The following OR9Q1 variants were observed in gnomAD, a reference collection of about 807,000 sequenced individuals.
OR9Q1 encodes olfactory receptor 9Q1.
For missense variants in OR9Q1, 374 were observed against 378.8 expected, an observed-to-expected ratio of 0.99 and a Z score of 0.11; for synonymous variants, 153 against 148.6, an observed-to-expected ratio of 1.03 and a Z score of -0.22.
intron 2 of OR9Q1, among the ~76,000 whole-genome samples, chr11:58,094,989 C>T (rs781566768): frequency 1.6e-4 from 25 of 152,142 alleles, no homozygotes; most frequent in African/African-American, 1.4e-4. Flanking sequence ...AATACATGTT[C>T]GTCAATTTTG....
chr11:58,052,780 T>C (rs1408634322), intron 1 of OR9Q1, among the ~76,000 whole-genome samples: 2 of 150,202 alleles, frequency 1.3e-5, no homozygotes, highest in Non-Finnish European at 3.0e-5. Flanking sequence ...CATCAAATAG[T>C]GGGCGAAGGA....
chr11:58,060,264 G>C (rs1482346259), intron 2 of OR9Q1: 1 of 152,180 alleles, frequency 6.6e-6, no homozygotes, highest in African/African-American at 2.4e-5. Context: ...AAAGAGGGGA[G>C]AATTGAGCTC....
At chr11:58,054,459 A>T (rs1853307162) in intron 1 of OR9Q1, among the ~76,000 whole-genome samples, 1 of 152,130 alleles carries the variant, frequency 6.6e-6, no homozygotes. Flanking sequence ...TTTTACCAAT[A>T]CCAATACCAA....
chr11:58,134,317 T>A (rs1010284792), intron 2 of OR9Q1, among the ~76,000 whole-genome samples: 1 of 152,172 alleles, frequency 6.6e-6, no homozygotes, highest in African/African-American at 2.4e-5. Context: ...AGGAGGAGCA[T>A]CCCAGATGGC....
intron 2 of OR9Q1, among the ~76,000 whole-genome samples, chr11:58,092,892 T>TAAAAGCTTAAA (rs1853697451): frequency 6.6e-6 from 1 of 152,198 alleles, no homozygotes; most frequent in African/African-American, 2.4e-5. Context: ...AGTCATATTT[T>TAAAAGCTTAAA]AAAAGCTTAA....
At chr11:58,140,897 T>C (rs1246551107) in intron 2 of OR9Q1, among the ~76,000 whole-genome samples, 4 of 152,358 alleles carry the variant, frequency 2.6e-5, no homozygotes, top group Admixed American at 2.6e-4. Flanking sequence ...ATTTTCACGA[T>C]ACTGATTCTT....
At chr11:58,053,975 G>A (rs978529056) in intron 1 of OR9Q1, among the ~76,000 whole-genome samples, 2 of 152,090 alleles carry the variant, frequency 1.3e-5, no homozygotes, top group African/African-American at 4.8e-5. Context: ...GATTTTGAGT[G>A]TCCTTATTTC....
intron 2 of OR9Q1, among the ~76,000 whole-genome samples, chr11:58,084,038 T>A (rs1853612946): frequency 2.0e-5 from 3 of 151,948 alleles, no homozygotes; most frequent in African/African-American, 4.9e-5. Context: ...GATCTGTAGA[T>A]CGCTTTGGGC....
chr11:58,053,660 A>C (rs900837704), intron 1 of OR9Q1, among the ~76,000 whole-genome samples: 5 of 117,626 alleles, frequency 4.3e-5, no homozygotes, highest in African/African-American at 1.6e-4. Flanking sequence ...TATATATATA[A>C]AATATATATA....
intron 2 of OR9Q1, chr11:58,109,499 G>T (rs776283528): frequency 7.6e-5 from 35 of 462,066 alleles, no homozygotes; most frequent in Non-Finnish European, 1.3e-5. Context: ...GGGGTGTGGA[G>T]TTGGGCATCC....
At chr11:58,119,364 G>C (rs1464174876) in intron 2 of OR9Q1, 1 of 1,613,810 alleles carries the variant, frequency 6.2e-7, no homozygotes, top group Non-Finnish European at 8.5e-7. Flanking sequence ...ACACCAGAAA[G>C]AGGGGAATCT....
chr11:58,170,622 G>C (rs1854545446), intron 2 of OR9Q1, among the ~76,000 whole-genome samples: 1 of 152,250 alleles, frequency 6.6e-6, no homozygotes, highest in Non-Finnish European at 1.5e-5. Flanking sequence ...ACCCAGTGGA[G>C]ATAATGAGTC....
intron 2 of OR9Q1, among the ~76,000 whole-genome samples, chr11:58,122,600 T>C (rs2120143377): frequency 6.6e-6 from 1 of 152,328 alleles, no homozygotes; most frequent in Admixed American, 6.5e-5. Context: ...TATAGTTACT[T>C]AAACATAATA....
Position 58,179,764 on chromosome 11 carries a change from T to G in OR9Q1, c.320T>G (p.Phe107Cys), listed in dbSNP as rs369493933. 2.0e-5 allele frequency: 33 copies of G among 1,614,218 alleles called. No homozygotes were observed. The African/African-American group carries it at 4.3e-4, about 21-fold the overall frequency. Residue 107 changes from phenylalanine to cysteine, a missense_variant, in exon 3 of 3, where the codon TTT becomes TGT. Phe to Cys is a radical substitution (Grantham distance 205). Coordinates refer to ENST00000335397, the MANE Select transcript of OR9Q1 (RefSeq NM_001005212.4). ...CAAQFFLFTF[F>C]GSIDCYLLAL... The stretch of plus-strand genomic sequence containing the variant: ...GCTCAGTTCTTTCTGTTCACCTTCT[T>G]TGGTTCCATCGACTGCTACCTCTTG...
intron 2 of OR9Q1, among the ~76,000 whole-genome samples, chr11:58,133,911 G>C (rs974938987): frequency 9.1e-5 from 11 of 120,862 alleles, no homozygotes; most frequent in African/African-American, 3.7e-4. Context: ...TGGTCAGAAG[G>C]GGTCACTGCT....
intron 2 of OR9Q1, among the ~76,000 whole-genome samples, chr11:58,143,697 T>C (rs922395434): frequency 1.3e-5 from 2 of 151,968 alleles, no homozygotes; most frequent in African/African-American, 4.8e-5. Context: ...CTGGGGCCTG[T>C]TGGGGAAGGG....
intron 2 of OR9Q1, among the ~76,000 whole-genome samples, chr11:58,176,079 C>G (rs1407327562): frequency 6.6e-6 from 1 of 152,184 alleles, no homozygotes; most frequent in Non-Finnish European, 1.5e-5. Flanking sequence ...CATGATGTGT[C>G]TTGCTGAGGT....
intron 2 of OR9Q1, among the ~76,000 whole-genome samples, chr11:58,081,038 T>C (rs1853582612): frequency 1.3e-5 from 2 of 151,870 alleles, no homozygotes; most frequent in Non-Finnish European, 2.9e-5. Context: ...TCGTTGTTCA[T>C]CTCCCACCTA....
intron 1 of OR9Q1, among the ~76,000 whole-genome samples, chr11:58,034,808 T>TTCTC (rs1853083797): frequency 7.5e-6 from 1 of 132,950 alleles, no homozygotes; most frequent in African/African-American, 2.8e-5. Flanking sequence ...CTTCCTTCCT[T>TTCTC]CCTTCCTTCC....
Sources: allele counts gnomAD v4.1 joint callset (sites outside exome capture counted in the v4.1 genomes callset), GRCh38; gene constraint gnomAD v4.1.1; transcripts MANE v1.5; gene names NCBI Gene and HGNC (gene_info 2026-07-23, HGNC 2026-07-21).